The following STAG1 variants were observed in gnomAD, a reference collection of about 807,000 sequenced individuals.
STAG1 encodes cohesin subunit SA-1.
A neutral mutation model predicts 170.9 loss-of-function variants in STAG1; 26 were observed. The observed-to-expected ratio is 0.15, with a 90% CI of 0.11 to 0.21. The LOEUF (loss-of-function observed/expected upper bound fraction) is 0.21, where lower values mean the gene tolerates loss of function less well. Among genes scored for constraint, STAG1 ranks in the 10% least tolerant of loss-of-function variants. The pLI is 1.00. For synonymous variants in STAG1, 514 were observed against 497.7 expected (o/e 1.03, Z -0.44); for missense variants, 964 against 1,509.5 (o/e 0.64, Z 5.99).
At chr3:136,431,492 G>A (rs1466116744) in intron 16 of STAG1, among the ~76,000 whole-genome samples, 1 of 151,920 alleles carries the variant, frequency 6.6e-6, no homozygotes, top group African/African-American at 2.4e-5. Context: ...GGCTGGAGTC[G>A]AACTCCTGAC....
At position 136,577,744 on chromosome 3, in the gene STAG1, T is replaced by C. The variant is rs920260463; in HGVS notation, c.298-8883A>G. ...CTATAACCCAGAAGAAAATAGCTTA[T>C]ATACTCAACAGAAATCTGAGGAACA... is the stretch of plus-strand genomic sequence containing the variant. On this transcript the variant is annotated intron_variant, in intron 4 of 33. Transcript: ENST00000383202. Among the ~76,000 whole-genome samples, 3 of 152,326 alleles carry C rather than the reference T, an allele frequency of 2.0e-5. No individual in the cohort carries two copies. The East Asian group carries it at 5.8e-4, about 29-fold the overall frequency.
At chr3:136,751,804 CGGGCGGGGGG>C (rs1187807950) in intron 1 of STAG1, among the ~76,000 whole-genome samples, 2 of 121,068 alleles carry the variant, frequency 1.7e-5, no homozygotes, top group Admixed American at 7.4e-5. Context: ...CCCGAGAGCC[CGGGCGGGGGG>C]GGGCGGAGGG....
At chr3:136,520,624 G>A (rs1460189641) in intron 7 of STAG1, among the ~76,000 whole-genome samples, 2 of 152,248 alleles carry the variant, frequency 1.3e-5, no homozygotes, top group East Asian at 3.9e-4. Context: ...TTGACAAGTT[G>A]TCATGATAAT....
chr3:136,471,401 A>G (rs2089624504), intron 12 of STAG1, among the ~76,000 whole-genome samples: 1 of 152,204 alleles, frequency 6.6e-6, no homozygotes. Context: ...ATATCAAACA[A>G]AAATCAGACA....
intron 21 of STAG1, among the ~76,000 whole-genome samples, chr3:136,405,603 C>T (rs1380439263): frequency 6.6e-6 from 1 of 151,292 alleles, no homozygotes; most frequent in African/African-American, 2.4e-5. Flanking sequence ...TGCCTGTACT[C>T]CCAGCACTTT....
At chr3:136,374,705 T>A (rs1319431992) in intron 23 of STAG1, among the ~76,000 whole-genome samples, 1 of 151,930 alleles carries the variant, frequency 6.6e-6, no homozygotes, top group Admixed American at 6.6e-5. Flanking sequence ...GTTAAAAAAA[T>A]TAAAAAGTTT....
At chr3:136,473,086 G>C (rs1255579893) in intron 11 of STAG1, among the ~76,000 whole-genome samples, 1 of 152,068 alleles carries the variant, frequency 6.6e-6, no homozygotes, top group Non-Finnish European at 1.5e-5. Flanking sequence ...AGGAACAACA[G>C]GAACATGAAC....
At chr3:136,685,307 C>T (rs1220819651) in intron 1 of STAG1, among the ~76,000 whole-genome samples, 1 of 151,072 alleles carries the variant, frequency 6.6e-6, no homozygotes, top group East Asian at 1.9e-4. Context: ...CAGAATGAGA[C>T]TTCCTCTCCA....
intron 9 of STAG1, among the ~76,000 whole-genome samples, chr3:136,489,081 C>T (rs762669126): frequency 1.3e-5 from 2 of 152,114 alleles, no homozygotes; most frequent in Non-Finnish European, 2.9e-5. Context: ...AAATTAAAAA[C>T]TAAACATGAA....
At chr3:136,729,593 G>C (rs1269390935) in intron 1 of STAG1, among the ~76,000 whole-genome samples, 7 of 47,248 alleles carry the variant, frequency 1.5e-4, no homozygotes, top group African/African-American at 5.6e-4. Flanking sequence ...TTTTTTTTTT[G>C]AGACAGAGCT....
At chr3:136,574,257 C>T (rs1001605951) in intron 4 of STAG1, among the ~76,000 whole-genome samples, 1 of 151,646 alleles carries the variant, frequency 6.6e-6, no homozygotes, top group Non-Finnish European at 1.5e-5. Context: ...AAAAAAAACC[C>T]GACCACATAA....
chr3:136,644,983 A>T (rs111388247), intron 1 of STAG1, among the ~76,000 whole-genome samples: 1 of 152,076 alleles, frequency 6.6e-6, no homozygotes, highest in South Asian at 2.1e-4. Context: ...TCCTACCTCG[A>T]TCTCCCGAAG....
At position 136,342,905 on chromosome 3, in the gene STAG1, C is replaced by T. The variant is rs962518949; in HGVS notation, c.3446+927G>A. 3.1e-4 allele frequency among the ~76,000 whole-genome samples: 47 copies of T among 152,306 alleles called. 1 individual carries two copies. The highest frequency in any genetic ancestry group is 1.1e-3 in the African/African-American group (44 of 41,576). ...GGATATTGGTTAGGTCACCCATCTT[C>T]GGATGCTTGCCATAAGGCAAACCAC... On this transcript the variant is annotated intron_variant, in intron 30 of 33. Transcript: ENST00000383202.
intron 1 of STAG1, among the ~76,000 whole-genome samples, chr3:136,684,890 G>A (rs1295027219): frequency 2.6e-5 from 4 of 151,800 alleles, no homozygotes; most frequent in African/African-American, 9.7e-5. Flanking sequence ...AGACCCAAAT[G>A]TAAAAGGTAA....
In STAG1 at chr3:136,542,161, C is replaced by T. The variant is rs1362302562; in HGVS notation, c.429G>A (p.Gln143=). ...TVRIEMFRNM[Q]NAEIIRKMTE... ...TCATTTTTCTGATGATTTCTGCATT[C>T]TGCATATTTCGAAACATCTCTATTC... The change falls in exon 6 of 34, where the codon CAG becomes CAA. Residue 143 remains glutamine (Q), a synonymous_variant. Coordinates refer to ENST00000383202, the MANE Select transcript of STAG1 (RefSeq NM_005862.3). The T allele has an allele frequency of 1.9e-6, 3 of 1,610,078 alleles. No individual in the cohort carries two copies. Among genetic ancestry groups the T allele is most frequent in the Admixed American group, 3.3e-5 (2 of 59,962 alleles).
At chr3:136,344,247 T>G (rs1433631631) in intron 29 of STAG1, among the ~76,000 whole-genome samples, 3 of 152,186 alleles carry the variant, frequency 2.0e-5, no homozygotes, top group African/African-American at 7.2e-5. Flanking sequence ...AATGAGGTAA[T>G]GTATGTAACC....
chr3:136,392,126 C>T (rs907202716), intron 22 of STAG1, among the ~76,000 whole-genome samples: 4 of 152,070 alleles, frequency 2.6e-5, no homozygotes, highest in African/African-American at 9.7e-5. Flanking sequence ...CAGTATGCAT[C>T]AAGAACCTTA....
At chr3:136,552,298 T>G (rs1936438600) in intron 5 of STAG1, among the ~76,000 whole-genome samples, 1 of 152,202 alleles carries the variant, frequency 6.6e-6, no homozygotes, top group Admixed American at 6.5e-5. Context: ...TTTGAAAAAT[T>G]TCAGCATTAG....
chr3:136,656,543 C>T (rs1046075874), intron 1 of STAG1, among the ~76,000 whole-genome samples: 4 of 151,080 alleles, frequency 2.6e-5, no homozygotes, highest in African/African-American at 9.8e-5. Flanking sequence ...TTATGTTTGA[C>T]TTCAAATATA....
Sources: gnomAD v4.1 joint callset for allele counts (sites outside exome capture counted in the v4.1 genomes callset) on GRCh38, gnomAD v4.1.1 for gene constraint, MANE v1.5 for transcripts, NCBI Gene and HGNC (gene_info 2026-07-23, HGNC 2026-07-21) for gene names.